SEC11C: variants seen among roughly 807,000 people sequenced by gnomAD.
SEC11C encodes signal peptidase complex catalytic subunit SEC11C.
Under a neutral mutation model 21.9 loss-of-function variants are expected in SEC11C, and 10 were observed. The ratio of observed to expected loss-of-function variants is 0.46; its 90% confidence interval spans 0.28 to 0.77. SEC11C has a LOEUF of 0.77. Ranked by LOEUF, SEC11C falls within the 30% of genes least tolerant of loss-of-function variation. The probability of loss-of-function intolerance (pLI) is 0.12; values close to 1 mark genes in which losing one functional copy is unlikely to be tolerated. For synonymous variants in SEC11C, 83 were observed against 85.6 expected (o/e 0.97, Z 0.17); for missense variants, 145 against 244.5 (o/e 0.59, Z 2.71).
intron 3 of SEC11C, chr18:59,153,389 G>C (rs1205638122): frequency 1.3e-5 from 2 of 152,164 alleles, no homozygotes; most frequent in African/African-American, 4.8e-5. Flanking sequence ...ATGCAGCTTA[G>C]TGTGGATTTT....
chr18:59,144,041 A>G (rs1199732339), intron 1 of SEC11C, among the ~76,000 whole-genome samples: 1 of 151,900 alleles, frequency 6.6e-6, no homozygotes, highest in East Asian at 1.9e-4. Context: ...TTTAGTAGAG[A>G]TCGGGTTTCA....
intron 1 of SEC11C, among the ~76,000 whole-genome samples, chr18:59,145,118 C>T (rs147695540): frequency 2.2e-4 from 34 of 152,216 alleles, no homozygotes; most frequent in African/African-American, 7.5e-4. Flanking sequence ...TGCTGATGAA[C>T]GATACAAAGA....
intron 1 of SEC11C, chr18:59,147,452 A>G (rs1023694376): frequency 5.3e-5 from 8 of 152,210 alleles, no homozygotes; most frequent in African/African-American, 1.9e-4. Context: ...AATAGCAAGG[A>G]GAGTTTAGAA....
chr18:59,140,252 G>A (rs2069194504), intron 1 of SEC11C, among the ~76,000 whole-genome samples: 1 of 152,262 alleles, frequency 6.6e-6, no homozygotes, highest in Non-Finnish European at 1.5e-5. Flanking sequence ...GGAGGGTGCA[G>A]GAAAGGGGAG....
At position 59,149,860 on chromosome 18, in the gene SEC11C, G is replaced by A. The variant is rs534865955; in HGVS notation, c.197+238G>A. On this transcript the variant is annotated intron_variant, in intron 2 of 5. Transcript: ENST00000587834. Reference sequence around the variant, plus strand: ...TAGAGCTTTAACCATGTTGATGCTCGTGTACCTAATCCATTTCAAATGACA... The same window carrying A: ...TAGAGCTTTAACCATGTTGATGCTCATGTACCTAATCCATTTCAAATGACA... Among the ~76,000 whole-genome samples the A allele has an allele frequency of 9.2e-5, 14 of 152,150 alleles. No individual in the cohort carries two copies. The East Asian group carries it at 1.7e-3, about 19-fold the overall frequency.
chr18:59,140,345 A>T (rs543316593), intron 1 of SEC11C, among the ~76,000 whole-genome samples: 135 of 152,334 alleles, frequency 8.9e-4, no homozygotes, highest in African/African-American at 3.1e-3. Context: ...TCGGTGAACG[A>T]CAGCTCTCTG....
chr18:59,142,147 C>T (rs550689340), intron 1 of SEC11C, among the ~76,000 whole-genome samples: 30 of 152,006 alleles, frequency 2.0e-4, no homozygotes, highest in Non-Finnish European at 3.7e-4. Context: ...GAATCTGATT[C>T]GTAGGTTTCT....
At chr18:59,147,215 CTG>C (rs1481928886) in intron 1 of SEC11C, 5 of 152,176 alleles carry the variant, frequency 3.3e-5, no homozygotes, top group African/African-American at 1.2e-4. Flanking sequence ...GTGTTTAAAA[CTG>C]TATTTTAAGT....
intron 1 of SEC11C, chr18:59,147,447 C>T (rs1333122367): frequency 2.0e-5 from 3 of 152,110 alleles, no homozygotes; most frequent in African/African-American, 4.8e-5. Flanking sequence ...ATATTAATAG[C>T]AAGGAGAGTT....
rs187290476 is a variant in SEC11C at position 59,144,646 on chromosome 18, G to A, written c.87+4611G>A. Among the ~76,000 whole-genome samples the A allele has an allele frequency of 5.3e-3, 788 of 149,980 alleles. 3 individuals are homozygous for A. The highest frequency in any genetic ancestry group is 0.019 in the South Asian group (90 of 4,756). ...AGGCTGAGGTGGGAGGATCCATTGA[G>A]CCCAGGAGTTTGAGGCTGTGGTGAG... is the stretch of plus-strand genomic sequence containing the variant. On this transcript the variant is annotated intron_variant, in intron 1 of 5. Transcript: ENST00000587834.
chr18:59,158,774 T>TACAG lies in SEC11C; in HGVS notation c.*90_*91insCAGA. On this transcript the variant is annotated 3_prime_UTR_variant, in exon 6 of 6. Coordinates refer to ENST00000587834, the MANE Select transcript of SEC11C (RefSeq NM_033280.4). ...TATTTGAGATGTTCCATTTTCTGTA[T>TACAG]AAAAGGGAACAGTGTGGAGATGTTT... 7.1e-6 allele frequency: 8 copies of TACAG among 1,123,574 alleles called. No homozygotes were observed. The highest frequency in any genetic ancestry group is 1.3e-5 in the South Asian group (1 of 78,516). 69.6% of individuals were successfully genotyped at this position (1,123,574 alleles called of 1,614,324 possible). A position where few individuals can be genotyped will look rare whatever the true frequency, so the allele number is the denominator to read the frequency against.
intron 3 of SEC11C, among the ~76,000 whole-genome samples, chr18:59,153,717 AT>A (rs975351586): frequency 0.032 from 4,492 of 139,418 alleles, 179 homozygotes; most frequent in African/African-American, 0.1. Context: ...TGCCTGGCTA[AT>A]TTTTTTTTTT....
intron 2 of SEC11C, among the ~76,000 whole-genome samples, chr18:59,150,156 G>A (rs1336385852): frequency 6.6e-6 from 1 of 152,188 alleles, no homozygotes; most frequent in Admixed American, 6.5e-5. Context: ...CAGCCATAAA[G>A]CCATCCAAGG....
intron 1 of SEC11C, chr18:59,148,061 C>G (rs1488599352): frequency 1.3e-5 from 2 of 152,272 alleles, no homozygotes; most frequent in African/African-American, 4.8e-5. Context: ...CATTTTGGTT[C>G]TAGGGTGTGT....
chr18:59,143,723 C>T (rs1473013326), intron 1 of SEC11C, among the ~76,000 whole-genome samples: 1 of 152,198 alleles, frequency 6.6e-6, no homozygotes. Flanking sequence ...ACATTTTTCA[C>T]TCAACATACT....
At chr18:59,158,505 T>TG in intron 5 of SEC11C, 127 bp from the exon 6 acceptor site, 1 of 742,216 alleles carries the variant, frequency 1.3e-6, no homozygotes, top group Non-Finnish European at 2.3e-6. Flanking sequence ...GAACAAGCCA[T>TG]GGGGGGAAGA....
intron 1 of SEC11C, among the ~76,000 whole-genome samples, chr18:59,149,253 G>A (rs2069317928): frequency 6.6e-6 from 1 of 152,148 alleles, no homozygotes; most frequent in Admixed American, 6.5e-5. Flanking sequence ...AGGTGATTAG[G>A]GCCTCCTTGA....
intron 1 of SEC11C, among the ~76,000 whole-genome samples, chr18:59,145,243 CTCTT>C (rs1170947151): frequency 6.6e-6 from 1 of 152,248 alleles, no homozygotes; most frequent in African/African-American, 2.4e-5. Context: ...CACGGCCATG[CTCTT>C]TCTTTTACAT....
chr18:59,147,109 A>G (rs2069285739), intron 1 of SEC11C: 1 of 152,180 alleles, frequency 6.6e-6, no homozygotes, highest in African/African-American at 2.4e-5. Flanking sequence ...AGTCAGAACC[A>G]CGTAGAACCA....
Sources: allele counts gnomAD v4.1 joint callset (sites outside exome capture counted in the v4.1 genomes callset), GRCh38; gene constraint gnomAD v4.1.1; transcripts MANE v1.5; gene names NCBI Gene and HGNC (gene_info 2026-07-23, HGNC 2026-07-21).